The following NLGN1 variants were observed in gnomAD, a reference collection of about 807,000 sequenced individuals.
NLGN1 encodes neuroligin-1.
In NLGN1, 12 loss-of-function variants were observed where a neutral mutation model predicts 65.5. That is an observed-to-expected ratio of 0.18 (90% CI 0.12 to 0.30). The LOEUF (loss-of-function observed/expected upper bound fraction) is 0.30. NLGN1 is among the 10% of genes least tolerant of loss of function. NLGN1 has a pLI of 1.00. For missense variants in NLGN1, 750 were observed against 1,007.1 expected (o/e 0.74, Z 3.46); for synonymous variants, 350 against 359.5 (o/e 0.97, Z 0.30).
intron 4 of NLGN1, among the ~76,000 whole-genome samples, chr3:174,064,730 GA>G (rs1181318900): frequency 6.6e-6 from 1 of 150,572 alleles, no homozygotes; most frequent in Non-Finnish European, 1.5e-5. Flanking sequence ...CAATAGTTTT[GA>G]AATTTTTAAT....
intron 2 of NLGN1, among the ~76,000 whole-genome samples, chr3:173,478,739 G>T (rs539223296): frequency 1.3e-4 from 19 of 151,844 alleles, no homozygotes; most frequent in Admixed American, 1.2e-3. Flanking sequence ...TGGCCAACAT[G>T]GTGAAACCTA....
chr3:173,944,231 T>C (rs1746742702), intron 4 of NLGN1, among the ~76,000 whole-genome samples: 1 of 151,882 alleles, frequency 6.6e-6, no homozygotes, highest in Non-Finnish European at 1.5e-5. Flanking sequence ...CCTCATTTTA[T>C]AATATAAGGT....
At chr3:174,199,469 G>A (rs1331274990) in intron 4 of NLGN1, among the ~76,000 whole-genome samples, 2 of 121,312 alleles carry the variant, frequency 1.6e-5, no homozygotes, top group Non-Finnish European at 3.5e-5. Context: ...TCTTGGGGAT[G>A]TGGACTGCCT....
intron 2 of NLGN1, among the ~76,000 whole-genome samples, chr3:173,437,308 A>G (rs1718317956): frequency 6.6e-6 from 1 of 152,312 alleles, no homozygotes; most frequent in East Asian, 1.9e-4. Flanking sequence ...TATTGTGGCC[A>G]TAACTACTGC....
intron 1 of NLGN1, among the ~76,000 whole-genome samples, chr3:173,434,465 A>C (rs1717740094): frequency 1.3e-5 from 2 of 152,216 alleles, no homozygotes; most frequent in Admixed American, 1.3e-4. Context: ...TATTTGAATA[A>C]ATGTTTCAAG....
chr3:173,406,507 T>A (rs931054970), intron 1 of NLGN1, among the ~76,000 whole-genome samples: 26 of 147,844 alleles, frequency 1.8e-4, no homozygotes, highest in Non-Finnish European at 3.4e-4. Context: ...AATATATATA[T>A]GAATCACATA....
intron 3 of NLGN1, among the ~76,000 whole-genome samples, chr3:173,705,713 C>T (rs182108771): frequency 6.6e-6 from 1 of 151,644 alleles, no homozygotes; most frequent in Non-Finnish European, 1.5e-5. Context: ...AATACTTATT[C>T]GGTCGTCATG....
intron 4 of NLGN1, among the ~76,000 whole-genome samples, chr3:173,996,346 G>A (rs1722279610): frequency 6.6e-6 from 1 of 152,106 alleles, no homozygotes; most frequent in Non-Finnish European, 1.5e-5. Context: ...AGATTGACCT[G>A]GAGAATTTGT....
At chr3:173,588,550 T>C (rs1747895530) in intron 2 of NLGN1, among the ~76,000 whole-genome samples, 1 of 152,212 alleles carries the variant, frequency 6.6e-6, no homozygotes, top group African/African-American at 2.4e-5. Flanking sequence ...TAGTGAATCA[T>C]TCCAGGAGTT....
intron 1 of NLGN1, among the ~76,000 whole-genome samples, chr3:173,409,925 G>A (rs1056631158): frequency 1.3e-5 from 2 of 152,190 alleles, no homozygotes; most frequent in Non-Finnish European, 2.9e-5. Context: ...GGACCTGTAG[G>A]GGGGCCAAGA....
intron 3 of NLGN1, among the ~76,000 whole-genome samples, chr3:173,788,223 A>AAAAAG: frequency 6.6e-6 from 1 of 150,550 alleles, no homozygotes; most frequent in Non-Finnish European, 1.5e-5. Context: ...AAAAAAAAAA[A>AAAAAG]AAAAGAAAAA....
At chr3:173,956,006 A>G (rs1213138367) in intron 4 of NLGN1, among the ~76,000 whole-genome samples, 2 of 152,114 alleles carry the variant, frequency 1.3e-5, no homozygotes, top group African/African-American at 4.8e-5. Flanking sequence ...AATTAATGTT[A>G]TATTCCTACT....
intron 4 of NLGN1, among the ~76,000 whole-genome samples, chr3:173,998,913 A>G (rs1237436827): frequency 6.6e-6 from 1 of 152,194 alleles, no homozygotes; most frequent in African/African-American, 2.4e-5. Context: ...GTTATTACCC[A>G]TTATAGTCTA....
intron 4 of NLGN1, among the ~76,000 whole-genome samples, chr3:173,954,306 A>C (rs1017743168): frequency 6.6e-6 from 1 of 152,142 alleles, no homozygotes; most frequent in Non-Finnish European, 1.5e-5. Context: ...GCACAGATGT[A>C]ATCATCTACA....
At chr3:173,445,267 CAAAAAAAAAAA>C (rs60140480) in intron 2 of NLGN1, among the ~76,000 whole-genome samples, 8,952 of 103,238 alleles carry the variant, frequency 0.087, 313 homozygotes, top group Middle Eastern at 0.23. Flanking sequence ...GACTCCGTCT[CAAAAAAAAAAA>C]AAAAAAAAAA....
intron 4 of NLGN1, among the ~76,000 whole-genome samples, chr3:174,146,165 C>T (rs1723240043): frequency 6.7e-6 from 1 of 150,342 alleles, no homozygotes; most frequent in Admixed American, 6.6e-5. Context: ...CTCTCCCTCC[C>T]TCCCTTCCTC....
rs559090259 is a variant in NLGN1, at chr3:173,497,366, C to T, written c.-321+62288C>T. Among the ~76,000 whole-genome samples, 545 of 149,544 alleles carry T rather than the reference C, an allele frequency of 3.6e-3. 12 individuals are homozygous for T. Among genetic ancestry groups the T allele is most frequent in the African/African-American group, 0.012 (491 of 40,624 alleles). On this transcript the variant is annotated intron_variant, in intron 2 of 6. Transcript: ENST00000457714. ...GCATGCCACTGCACTCCAGCCTGGG[C>T]GACAAGTGTGAAACTCCATCTCAAA...
At chr3:173,857,393 C>A (rs1728203011) in intron 4 of NLGN1, among the ~76,000 whole-genome samples, 1 of 152,116 alleles carries the variant, frequency 6.6e-6, no homozygotes, top group Non-Finnish European at 1.5e-5. Flanking sequence ...AGAGCCTTCT[C>A]AACCTGAAAC....
chr3:174,044,603 C>A lies in NLGN1; in HGVS notation c.647-230712C>A, dbSNP rs116483100. ...TCCGAGACCACCTCAGCCTCTCAGC[C>A]TGGACTTCATTTTCCGTATCACTAT... On this transcript the variant is annotated intron_variant, in intron 4 of 6. Coordinates refer to ENST00000457714, the Ensembl canonical transcript of NLGN1. Among the ~76,000 whole-genome samples, 395 of 152,242 alleles carry A rather than the reference C, an allele frequency of 2.6e-3. 2 individuals carry two copies. Among genetic ancestry groups the A allele is most frequent in the African/African-American group, 8.9e-3 (368 of 41,548 alleles).
Sources: gnomAD v4.1 joint callset for allele counts (sites outside exome capture counted in the v4.1 genomes callset) on GRCh38, gnomAD v4.1.1 for gene constraint, MANE v1.5 for transcripts, NCBI Gene and HGNC (gene_info 2026-07-23, HGNC 2026-07-21) for gene names.